Variants in DYNC2LI1 observed in about 807,000 individuals in gnomAD.
DYNC2LI1 encodes the protein dynein cytoplasmic 2 light intermediate chain 1.
In DYNC2LI1, 45 loss-of-function variants were observed where a neutral mutation model predicts 51.9. The ratio of observed to expected loss-of-function variants is 0.87; its 90% confidence interval spans 0.68 to 1.11. The LOEUF (loss-of-function observed/expected upper bound fraction) is 1.11, where lower values mean the gene tolerates loss of function less well. DYNC2LI1 is among the 50% of genes most tolerant of loss of function. The pLI is 0.00. For synonymous variants in DYNC2LI1, 130 were observed against 137.8 expected (o/e 0.94, Z 0.40); for missense variants, 490 against 417.4 (o/e 1.17, Z -1.51).
chr2:43,824,900 A>G, the DYNC2LI1 span: 19 of 1,614,066 alleles, frequency 1.2e-5, no homozygotes, highest in East Asian at 4.5e-5. Context: ...ATAGAAGTCA[A>G]AAGGGTTTGA....
intron 8 of DYNC2LI1, among the ~76,000 whole-genome samples, chr2:43,799,134 G>C (rs913071158): frequency 2.0e-5 from 3 of 152,154 alleles, no homozygotes; most frequent in Admixed American, 6.5e-5. Flanking sequence ...ACCTTGTCTT[G>C]ACAAAAAATT....
At chr2:43,825,937 T>A in the DYNC2LI1 span, among the ~76,000 whole-genome samples, 1 of 151,932 alleles carries the variant, frequency 6.6e-6, no homozygotes. Context: ...GCTCTTCCCC[T>A]CTCAGGAGCT....
the DYNC2LI1 span, chr2:43,824,494 A>G: frequency 9.4e-6 from 15 of 1,600,402 alleles, no homozygotes; most frequent in Admixed American, 1.3e-4. Flanking sequence ...GTACATGGAT[A>G]TACAATTGGT....
intron 12 of DYNC2LI1, among the ~76,000 whole-genome samples, chr2:43,806,597 C>G (rs1666266190): frequency 6.6e-6 from 1 of 152,110 alleles, no homozygotes; most frequent in Admixed American, 6.6e-5. Context: ...TGGAAGTCAT[C>G]CCTGATTAAT....
At chr2:43,827,842 T>A in the DYNC2LI1 span, 2 of 1,324,054 alleles carry the variant, frequency 1.5e-6, no homozygotes, top group Admixed American at 2.1e-5. Flanking sequence ...AAAAACTGGG[T>A]CCTCAGTTTG....
the DYNC2LI1 span, among the ~76,000 whole-genome samples, chr2:43,817,696 G>A: frequency 1.3e-5 from 2 of 151,608 alleles, no homozygotes; most frequent in African/African-American, 4.9e-5. Flanking sequence ...GATCACCTGA[G>A]GTCAGGAGTT....
At chr2:43,784,216 A>C (rs1454751483) in intron 3 of DYNC2LI1, among the ~76,000 whole-genome samples, 1 of 152,224 alleles carries the variant, frequency 6.6e-6, no homozygotes, top group Non-Finnish European at 1.5e-5. Flanking sequence ...AAAGGATACA[A>C]ATAATAAATT....
At chr2:43,778,672 G>A (rs1673134203) in intron 2 of DYNC2LI1, among the ~76,000 whole-genome samples, 1 of 152,030 alleles carries the variant, frequency 6.6e-6, no homozygotes, top group South Asian at 2.1e-4. Context: ...TATACTAATG[G>A]TACTGATTAC....
At position 43,795,027 on chromosome 2, in the gene DYNC2LI1, T is replaced by G. The variant is rs543699026; in HGVS notation, c.507+384T>G. 69 of 1,102,708 alleles carry G rather than the reference T, an allele frequency of 6.3e-5. No individual in the cohort carries two copies. The Admixed American group carries it at 1.1e-3, about 18-fold the overall frequency. 68.3% of individuals were successfully genotyped at this position (1,102,708 alleles called of 1,614,324 possible). On this transcript the variant is annotated intron_variant, in intron 6 of 12. Coordinates refer to ENST00000260605, the MANE Select transcript of DYNC2LI1 (RefSeq NM_016008.4). Reference sequence around the variant, plus strand: ...CTTTAAGCAAGGGGTAGAGTTGTAATAGCCTTCACCATCACTCTGTATTTT... The same window carrying G: ...CTTTAAGCAAGGGGTAGAGTTGTAAGAGCCTTCACCATCACTCTGTATTTT...
intron 2 of DYNC2LI1, among the ~76,000 whole-genome samples, chr2:43,780,556 T>A (rs189692518): frequency 6.6e-6 from 1 of 152,216 alleles, no homozygotes; most frequent in East Asian, 1.9e-4. Context: ...ATAAATAGCT[T>A]CGTTTAACAA....
At chr2:43,806,362 C>A (rs1002543553) in intron 12 of DYNC2LI1, among the ~76,000 whole-genome samples, 10 of 152,166 alleles carry the variant, frequency 6.6e-5, no homozygotes, top group Non-Finnish European at 1.5e-4. Context: ...AAACAGCTGT[C>A]AGCTGGGAGT....
At chr2:43,794,802 C>T (rs2104696787) in intron 6 of DYNC2LI1, 159 bp downstream of exon 6, 2 of 1,481,264 alleles carry the variant, frequency 1.4e-6, no homozygotes, top group Non-Finnish European at 1.8e-6. Flanking sequence ...ATTAAAACCT[C>T]AGTAAGAGCA....
chr2:43,824,770 A>G, the DYNC2LI1 span: 1 of 1,515,090 alleles, frequency 6.6e-7, no homozygotes, highest in Middle Eastern at 1.8e-4. Flanking sequence ...CTTGAAGAGT[A>G]TAAAACACAA....
intron 5 of DYNC2LI1, among the ~76,000 whole-genome samples, chr2:43,792,027 TTA>T (rs1336097892): frequency 6.6e-6 from 1 of 152,128 alleles, no homozygotes; most frequent in African/African-American, 2.4e-5. Context: ...ATAATAAATT[TTA>T]TGTTATATCC....
chr2:43,779,275 AG>A lies in DYNC2LI1; in HGVS notation c.126+2377del, dbSNP rs551791014. On this transcript the variant is annotated intron_variant, in intron 2 of 12. Transcript: ENST00000260605. ...AGGGAGACCTTGTTTCAAAAAAGAA[AG>A]AAAAAAGTATCTGATTCTGCTTCAT... 1.3e-4 allele frequency among the ~76,000 whole-genome samples: 20 copies of A among 152,340 alleles called. No individual in the cohort carries two copies. In the East Asian group the frequency reaches 3.5e-3, roughly 26 times the overall value.
At chr2:43,822,769 G>A in the DYNC2LI1 span, 1 of 1,613,998 alleles carries the variant, frequency 6.2e-7, no homozygotes, top group South Asian at 1.1e-5. Flanking sequence ...TGGGAGCCCG[G>A]CCCTGGGTGA....
intron 3 of DYNC2LI1, 42 bp from the exon 4 acceptor site, chr2:43,787,139 A>T: frequency 2.0e-6 from 3 of 1,518,626 alleles, no homozygotes; most frequent in Non-Finnish European, 2.7e-6. Flanking sequence ...TAAGAAACTA[A>T]TACCACCTAC....
At chr2:43,799,804 T>G (rs1666016716) in intron 8 of DYNC2LI1, among the ~76,000 whole-genome samples, 1 of 152,246 alleles carries the variant, frequency 6.6e-6, no homozygotes, top group Non-Finnish European at 1.5e-5. Flanking sequence ...ACAGAGCAGT[T>G]ATATTTCTAA....
rs774176626 is a variant in DYNC2LI1 at position 43,805,162 on chromosome 2, C to G, written c.909C>G (p.Asn303Lys). The G allele has an allele frequency of 1.9e-6, 3 of 1,604,068 alleles. 1 individual carries two copies. The highest frequency in any genetic ancestry group is 2.2e-5 in the South Asian group (2 of 90,044). The change falls in exon 12 of 13, where the codon AAC becomes AAG. Residue 303 changes from asparagine (N) to lysine (K), a missense_variant. Coordinates refer to ENST00000260605, the MANE Select transcript of DYNC2LI1 (RefSeq NM_016008.4). ...GAGATTTGTAATTTCAGAGTATTAA[C>G]ACGCTGAAAGATATCAAGGACCCTG... ...YEKLFPPKSINTLKDIKDPAR... is the reference protein window; with the variant it reads ...YEKLFPPKSIKTLKDIKDPAR...
Sources: allele counts gnomAD v4.1 joint callset (sites outside exome capture counted in the v4.1 genomes callset), GRCh38; gene constraint gnomAD v4.1.1; transcripts MANE v1.5; gene names NCBI Gene and HGNC (gene_info 2026-07-23, HGNC 2026-07-21).